EDNRA: variants seen among roughly 807,000 people sequenced by gnomAD.
EDNRA encodes the protein endothelin receptor type A.
Under a neutral mutation model 41.4 loss-of-function variants are expected in EDNRA, and 11 were observed. The observed-to-expected ratio is 0.27, with a 90% CI of 0.17 to 0.44. The LOEUF (loss-of-function observed/expected upper bound fraction) is 0.44. EDNRA is among the 20% of genes least tolerant of loss of function. EDNRA has a pLI of 1.00. For missense variants in EDNRA, 294 were observed against 531.0 expected (o/e 0.55, Z 4.39); for synonymous variants, 172 against 183.0 (o/e 0.94, Z 0.49).
intron 7 of EDNRA, 51 bp downstream of exon 7, chr4:147,540,536 A>T: frequency 7.8e-7 from 1 of 1,279,226 alleles, no homozygotes; most frequent in Non-Finnish European, 1.1e-6. Flanking sequence ...GAGTATATTA[A>T]ACAGTCAACA....
intron 2 of EDNRA, among the ~76,000 whole-genome samples, chr4:147,502,733 G>A (rs1425089290): frequency 1.3e-5 from 2 of 152,166 alleles, no homozygotes; most frequent in African/African-American, 4.8e-5. Context: ...TGAGACAGAC[G>A]TTCTGAATGA....
chr4:147,516,957 T>C (rs960133436), intron 2 of EDNRA, among the ~76,000 whole-genome samples: 1 of 151,670 alleles, frequency 6.6e-6, no homozygotes, highest in Non-Finnish European at 1.5e-5. Context: ...TACTAAAAGA[T>C]ATTATTTCCA....
At chr4:147,494,424 G>A (rs1309591138) in intron 2 of EDNRA, 4 of 152,390 alleles carry the variant, frequency 2.6e-5, no homozygotes, top group South Asian at 4.1e-4. Flanking sequence ...GTAAAAGAAG[G>A]GATGAAGGAG....
At chr4:147,525,031 A>G (rs1338654868) in intron 3 of EDNRA, among the ~76,000 whole-genome samples, 1 of 152,224 alleles carries the variant, frequency 6.6e-6, no homozygotes, top group Non-Finnish European at 1.5e-5. Context: ...GGCCCAGGAC[A>G]AAGAGTTCCC....
chr4:147,481,689 C>A (rs955297186), intron 1 of EDNRA, among the ~76,000 whole-genome samples: 8 of 152,228 alleles, frequency 5.3e-5, no homozygotes, highest in African/African-American at 1.4e-4. Context: ...CTGGGTGACC[C>A]CTTTTCCCCA....
intron 3 of EDNRA, among the ~76,000 whole-genome samples, chr4:147,525,055 AC>A (rs1478489514): frequency 5.3e-5 from 8 of 152,202 alleles, no homozygotes; most frequent in African/African-American, 1.9e-4. Flanking sequence ...ATTTTTTTAC[AC>A]AGTATTTTAA....
intron 1 of EDNRA, among the ~76,000 whole-genome samples, chr4:147,484,027 C>CA (rs1467700304): frequency 1.3e-5 from 2 of 152,048 alleles, no homozygotes; most frequent in African/African-American, 2.4e-5. Flanking sequence ...AACCAGGACT[C>CA]AATTTTTTTA....
intron 2 of EDNRA, among the ~76,000 whole-genome samples, chr4:147,511,112 A>G (rs1169478286): frequency 6.6e-6 from 1 of 152,168 alleles, no homozygotes; most frequent in African/African-American, 2.4e-5. Flanking sequence ...CCATCTCTGC[A>G]TTCAATAGAA....
At chr4:147,509,937 C>T (rs1578793887) in intron 2 of EDNRA, among the ~76,000 whole-genome samples, 2 of 152,212 alleles carry the variant, frequency 1.3e-5, no homozygotes, top group East Asian at 1.9e-4. Context: ...ATCCTGCCCC[C>T]GCTGCCAGGT....
intron 2 of EDNRA, chr4:147,487,881 A>G (rs1729000600): frequency 6.6e-6 from 1 of 152,258 alleles, no homozygotes. Flanking sequence ...AAAATGTGTA[A>G]TTGATTTAAA....
chr4:147,536,091 C>A, intron 5 of EDNRA, 62 bp downstream of exon 5: 1 of 1,556,146 alleles, frequency 6.4e-7, no homozygotes, highest in South Asian at 1.1e-5. Flanking sequence ...AGCAGCAGGC[C>A]TGCAAATACC....
chr4:147,511,105 T>A (rs1451390980), intron 2 of EDNRA, among the ~76,000 whole-genome samples: 1 of 152,174 alleles, frequency 6.6e-6, no homozygotes, highest in African/African-American at 2.4e-5. Context: ...CATCCTTCCA[T>A]CTCTGCATTC....
intron 2 of EDNRA, among the ~76,000 whole-genome samples, chr4:147,508,145 A>AT (rs1352691206): frequency 2.0e-5 from 3 of 151,616 alleles, no homozygotes; most frequent in African/African-American, 4.8e-5. Flanking sequence ...TTATTTATTT[A>AT]TTTTTTTGTT....
chr4:147,493,583 C>T (rs1729211272), intron 2 of EDNRA: 1 of 152,140 alleles, frequency 6.6e-6, no homozygotes, highest in South Asian at 2.1e-4. Context: ...CTACCACATT[C>T]TCTTGGGAGT....
chr4:147,532,358 G>T, intron 3 of EDNRA, 148 bp from the exon 4 acceptor site: 2 of 549,092 alleles, frequency 3.6e-6, no homozygotes, highest in Non-Finnish European at 6.3e-6. Flanking sequence ...AAACCCACTT[G>T]GTTTTCATAC....
intron 1 of EDNRA, among the ~76,000 whole-genome samples, chr4:147,482,465 G>A (rs553242626): frequency 1.2e-4 from 19 of 152,286 alleles, no homozygotes; most frequent in African/African-American, 3.8e-4. Flanking sequence ...CTAGCGCTAT[G>A]ACTGATTATG....
intron 1 of EDNRA, among the ~76,000 whole-genome samples, chr4:147,482,473 A>T (rs1233099439): frequency 6.6e-6 from 1 of 152,198 alleles, no homozygotes; most frequent in Non-Finnish European, 1.5e-5. Flanking sequence ...ATGACTGATT[A>T]TGAGTGATGA....
intron 3 of EDNRA, among the ~76,000 whole-genome samples, chr4:147,523,163 G>A (rs1730384781): frequency 6.6e-6 from 1 of 152,196 alleles, no homozygotes. Context: ...CCTCCAGGTA[G>A]TATGAGAATA....
At position 147,544,804 on chromosome 4, in the gene EDNRA, G is replaced by A. The variant is rs1238408343; in HGVS notation, c.*2186G>A. ...CAACGTGCATTTTATTTATGGACTGGTAAGTAACTGTGGTTTACTAGCAGG... is the reference window on the plus strand; with the variant it reads ...CAACGTGCATTTTATTTATGGACTGATAAGTAACTGTGGTTTACTAGCAGG... On this transcript the variant is annotated 3_prime_UTR_variant, in exon 8 of 8. Transcript: ENST00000651419. The A allele has an allele frequency of 6.6e-6, 1 of 152,560 alleles. No homozygotes were observed. The highest frequency in any genetic ancestry group is 2.4e-5 in the African/African-American group (1 of 41,408). The allele number at this position is 152,560 out of a possible 1,614,324, so 9.5% of individuals were successfully genotyped here.
Sources: allele counts gnomAD v4.1 joint callset (sites outside exome capture counted in the v4.1 genomes callset), GRCh38; gene constraint gnomAD v4.1.1; transcripts MANE v1.5; gene names NCBI Gene and HGNC (gene_info 2026-07-23, HGNC 2026-07-21).